The following CSMD1 variants were observed in gnomAD, a reference collection of about 807,000 sequenced individuals.
CSMD1 encodes CUB and sushi domain-containing protein 1.
In CSMD1, 213 loss-of-function variants were observed where a neutral mutation model predicts 417.5. The observed-to-expected ratio is 0.51, with a 90% CI of 0.46 to 0.57. The LOEUF (loss-of-function observed/expected upper bound fraction) is 0.57. Among genes scored for constraint, CSMD1 ranks in the 20% least tolerant of loss-of-function variants. The pLI, the probability that CSMD1 is intolerant of heterozygous loss-of-function variation, is 0.00. For missense variants in CSMD1, 6,923 were observed against 4,529.7 expected (o/e 1.53, Z -15.17); for synonymous variants, 2,862 against 1,736.8 (o/e 1.65, Z -16.11).
At chr8:3,175,355 G>C (rs949723551) in intron 37 of CSMD1, among the ~76,000 whole-genome samples, 1 of 152,036 alleles carries the variant, frequency 6.6e-6, no homozygotes, top group East Asian at 1.9e-4. Flanking sequence ...ACGTTATTCA[G>C]AATATATTGT....
At chr8:4,977,562 G>A (rs1308802576) in intron 1 of CSMD1, among the ~76,000 whole-genome samples, 1 of 152,166 alleles carries the variant, frequency 6.6e-6, no homozygotes, top group East Asian at 1.9e-4. Flanking sequence ...ACAGTGGCTG[G>A]CTCCAGCCCG....
Position 2,942,608 on chromosome 8 carries a change from T to A in CSMD1, c.10403-4A>T. 1 of 1,561,288 alleles carries A rather than the reference T, an allele frequency of 6.4e-7. No individual in the cohort carries two copies. Among genetic ancestry groups the A allele is most frequent in the Non-Finnish European group, 8.7e-7 (1 of 1,152,048 alleles). On this transcript the variant is annotated splice_polypyrimidine_tract_variant and splice_region_variant and intron_variant, in intron 68 of 69. Transcript: ENST00000635120. ...TCTTGATCTGGGTTTAAAGGATCTG[T>A]AAGATAAAGGAAATATTAAATTTGT...
At chr8:4,334,107 G>C (rs913022916) in intron 3 of CSMD1, among the ~76,000 whole-genome samples, 4 of 151,968 alleles carry the variant, frequency 2.6e-5, no homozygotes, top group Admixed American at 2.0e-4. Flanking sequence ...GGGTTTTACT[G>C]TGTTAACCAA....
At chr8:3,037,491 T>C (rs1479076872) in intron 50 of CSMD1, among the ~76,000 whole-genome samples, 1 of 152,146 alleles carries the variant, frequency 6.6e-6, no homozygotes, top group African/African-American at 2.4e-5. Flanking sequence ...CTTTATCCAC[T>C]CATTGGTTGA....
rs557226358 is a variant in CSMD1 at position 3,797,130 on chromosome 8, A to G, written c.819-43088T>C. The stretch of plus-strand genomic sequence containing the variant: ...AAAACATAAGTAAATAATGAAGTAT[A>G]CTAATAAAATACAGTCAACATAATA... On this transcript the variant is annotated intron_variant, in intron 5 of 69. Transcript: ENST00000635120. 1.3e-3 allele frequency among the ~76,000 whole-genome samples: 192 copies of G among 152,108 alleles called. 2 individuals carry two copies. The highest frequency in any genetic ancestry group is 2.4e-3 in the Non-Finnish European group (162 of 67,866).
At chr8:3,632,783 C>T (rs1244989106) in intron 7 of CSMD1, among the ~76,000 whole-genome samples, 4 of 152,174 alleles carry the variant, frequency 2.6e-5, no homozygotes, top group Non-Finnish European at 4.4e-5. Context: ...TGGCAGTCTC[C>T]ATTTGCTTTC....
intron 23 of CSMD1, among the ~76,000 whole-genome samples, chr8:3,310,742 G>A (rs17320243): frequency 0.054 from 8,256 of 151,612 alleles, 321 homozygotes; most frequent in Middle Eastern, 0.079. Context: ...GGTCCTGTCC[G>A]TGAAGAACAA....
chr8:3,507,493 G>T (rs1796877714), intron 10 of CSMD1, among the ~76,000 whole-genome samples: 1 of 152,184 alleles, frequency 6.6e-6, no homozygotes, highest in African/African-American at 2.4e-5. Flanking sequence ...ATAGCAGCAT[G>T]ATTTATAATC....
intron 53 of CSMD1, among the ~76,000 whole-genome samples, chr8:2,998,544 A>G (rs1475981615): frequency 1.3e-5 from 2 of 152,224 alleles, no homozygotes; most frequent in Non-Finnish European, 2.9e-5. Context: ...TGAGTTTTGA[A>G]CATTTTCTCC....
At chr8:4,436,651 T>A (rs1798165520) in intron 2 of CSMD1, among the ~76,000 whole-genome samples, 1 of 152,128 alleles carries the variant, frequency 6.6e-6, no homozygotes. Context: ...CCATTAACAA[T>A]CACCACCTCC....
intron 7 of CSMD1, among the ~76,000 whole-genome samples, chr8:3,622,824 A>G (rs1796322029): frequency 1.3e-5 from 2 of 152,224 alleles, no homozygotes; most frequent in Admixed American, 1.3e-4. Flanking sequence ...TGATTCATCT[A>G]GAAATAAAAG....
intron 2 of CSMD1, among the ~76,000 whole-genome samples, chr8:4,475,259 C>G (rs1415347042): frequency 6.6e-6 from 1 of 152,188 alleles, no homozygotes; most frequent in African/African-American, 2.4e-5. Flanking sequence ...CTCCCTCTCT[C>G]ACTCCATTTC....
intron 12 of CSMD1, among the ~76,000 whole-genome samples, chr8:3,451,727 T>C (rs1470669894): frequency 1.3e-5 from 2 of 152,188 alleles, no homozygotes; most frequent in South Asian, 2.1e-4. Context: ...AGCCTTGTAA[T>C]ATAGTTTGAA....
intron 5 of CSMD1, among the ~76,000 whole-genome samples, chr8:3,823,949 C>T (rs569549566): frequency 8.5e-5 from 13 of 152,196 alleles, no homozygotes; most frequent in African/African-American, 3.1e-4. Flanking sequence ...TTTATACAAA[C>T]AGATCAAATA....
At chr8:4,031,237 C>T (rs1198809399) in intron 4 of CSMD1, among the ~76,000 whole-genome samples, 2 of 152,180 alleles carry the variant, frequency 1.3e-5, no homozygotes, top group African/African-American at 4.8e-5. Flanking sequence ...TTCATTTTCA[C>T]ACTGCTGATA....
chr8:4,332,399 A>G (rs1045105834), intron 3 of CSMD1, among the ~76,000 whole-genome samples: 3 of 152,106 alleles, frequency 2.0e-5, no homozygotes, highest in East Asian at 1.9e-4. Flanking sequence ...CGGCAGGAGG[A>G]TAGTATAAAT....
At chr8:3,710,779 C>G (rs1165270172) in intron 6 of CSMD1, among the ~76,000 whole-genome samples, 3 of 152,182 alleles carry the variant, frequency 2.0e-5, no homozygotes, top group Non-Finnish European at 4.4e-5. Flanking sequence ...ACACCGCCAG[C>G]TCATATCAGG....
chr8:4,586,506 T>A (rs1437233669), intron 2 of CSMD1, among the ~76,000 whole-genome samples: 1 of 152,242 alleles, frequency 6.6e-6, no homozygotes, highest in East Asian at 1.9e-4. Context: ...TCCTTCTGGA[T>A]GAGCCACAGC....
chr8:3,494,550 T>G (rs1280596201), intron 10 of CSMD1, among the ~76,000 whole-genome samples: 2 of 129,408 alleles, frequency 1.5e-5, no homozygotes, highest in African/African-American at 6.1e-5. Context: ...ACAGACAGAT[T>G]AGATGATAGA....
Sources: allele counts gnomAD v4.1 joint callset (sites outside exome capture counted in the v4.1 genomes callset), GRCh38; gene constraint gnomAD v4.1.1; transcripts MANE v1.5; gene names NCBI Gene and HGNC (gene_info 2026-07-23, HGNC 2026-07-21).